TINAG: variants seen among roughly 807,000 people sequenced by gnomAD.
TINAG encodes the protein tubulointerstitial nephritis antigen.
TINAG carries 83 observed loss-of-function variants against 72.7 expected under a neutral mutation model. The ratio of observed to expected loss-of-function variants is 1.14; its 90% CI spans 0.96 to 1.37. The LOEUF is 1.37. TINAG is among the 40% of genes most tolerant of loss of function. The pLI, the probability that TINAG is intolerant of heterozygous loss-of-function variation, is 0.00. For synonymous variants in TINAG, 234 were observed against 189.9 expected (o/e 1.23, Z -1.91); for missense variants, 685 against 576.6 (o/e 1.19, Z -1.93).
At chr6:54,316,823 G>T (rs1280465181) in intron 1 of TINAG, among the ~76,000 whole-genome samples, 1 of 152,118 alleles carries the variant, frequency 6.6e-6, no homozygotes, top group Non-Finnish European at 1.5e-5. Flanking sequence ...ATACTATGAT[G>T]AATTATTTTA....
intron 8 of TINAG, among the ~76,000 whole-genome samples, chr6:54,353,552 C>A (rs1785318487): frequency 6.6e-6 from 1 of 151,782 alleles, no homozygotes; most frequent in Non-Finnish European, 1.5e-5. Flanking sequence ...TTCTTAAAAT[C>A]CTCTAGGAAT....
At chr6:54,341,895 AC>A (rs1237387677) in intron 4 of TINAG, among the ~76,000 whole-genome samples, 1 of 152,210 alleles carries the variant, frequency 6.6e-6, no homozygotes, top group Non-Finnish European at 1.5e-5. Context: ...GAGGGACTCA[AC>A]ATGTCTTTTA....
At chr6:54,361,469 C>T (rs980099442) in intron 9 of TINAG, among the ~76,000 whole-genome samples, 8 of 146,402 alleles carry the variant, frequency 5.5e-5, no homozygotes, top group Non-Finnish European at 1.2e-4. Context: ...GAGGGAAGTG[C>T]TACACACTTT....
chr6:54,380,109 TCA>T (rs1325058007), intron 9 of TINAG, among the ~76,000 whole-genome samples: 8 of 152,194 alleles, frequency 5.3e-5, no homozygotes, highest in African/African-American at 1.9e-4. Flanking sequence ...GGACATGAAC[TCA>T]CTGTTTTTTA....
At position 54,354,521 on chromosome 6, in the gene TINAG, C is replaced by G; in HGVS notation, c.1135C>G (p.Gln379Glu). 1.2e-6 allele frequency: 2 copies of G among 1,603,288 alleles called. No individual in the cohort carries two copies. The highest frequency in any genetic ancestry group is 1.7e-6 in the Non-Finnish European group (2 of 1,175,334). ...MQNGPVQAIM[Q>E]VREDFFHYKT... Reference sequence around the variant, plus strand: ...GTTGGATTTTATTTTAGCCATAATGCAAGTCCGTGAAGATTTCTTCCATTA... The same window carrying G: ...GTTGGATTTTATTTTAGCCATAATGGAAGTCCGTGAAGATTTCTTCCATTA... Residue 379 changes from glutamine (Q) to glutamate (E), a missense_variant, in exon 9 of 11, where the codon CAA becomes GAA. Physicochemically the swap from Gln to Glu is conservative, Grantham distance 29. Coordinates refer to ENST00000259782, the MANE Select transcript of TINAG (RefSeq NM_014464.4).
rs183276051 is a variant in TINAG, at chr6:54,381,323, A to G, written c.1296+752A>G. On this transcript the variant is annotated intron_variant, in intron 10 of 10. Coordinates refer to ENST00000259782, the MANE Select transcript of TINAG (RefSeq NM_014464.4). ...CTCAAATATTCGGTTTATTACAACA[A>G]GCTGGTCAATTGTCCAAAGTCCTAA... Among the ~76,000 whole-genome samples, 16 of 148,438 alleles carry G rather than the reference A, an allele frequency of 1.1e-4. No homozygotes were observed. In the East Asian group the frequency reaches 3.0e-3, roughly 27 times the overall value.
chr6:54,388,110 T>C (rs528357409), intron 10 of TINAG, among the ~76,000 whole-genome samples: 1 of 152,192 alleles, frequency 6.6e-6, no homozygotes, highest in African/African-American at 2.4e-5. Context: ...CTCAGTGTTA[T>C]ATATCATATT....
chr6:54,340,743 G>A (rs1784977570), intron 4 of TINAG, among the ~76,000 whole-genome samples: 1 of 151,950 alleles, frequency 6.6e-6, no homozygotes, highest in African/African-American at 2.4e-5. Flanking sequence ...TGGTAAATAA[G>A]TTTTTAATAA....
chr6:54,356,919 A>AT (rs1419431102), intron 9 of TINAG, among the ~76,000 whole-genome samples: 1 of 6,078 alleles, frequency 1.6e-4, no homozygotes, highest in East Asian at 1.3e-3. Flanking sequence ...CCCTCAGATT[A>AT]AAAAAAAAAA....
At chr6:54,377,054 C>A (rs2150980171) in intron 9 of TINAG, among the ~76,000 whole-genome samples, 1 of 151,872 alleles carries the variant, frequency 6.6e-6, no homozygotes, top group East Asian at 1.9e-4. Flanking sequence ...ATTAATGAGT[C>A]TTAAAAAATA....
At chr6:54,358,957 A>T (rs1164351380) in intron 9 of TINAG, among the ~76,000 whole-genome samples, 5 of 151,752 alleles carry the variant, frequency 3.3e-5, no homozygotes, top group African/African-American at 1.2e-4. Flanking sequence ...TCTAAGGGGA[A>T]ATTTTTCCTA....
chr6:54,340,524 G>A (rs1388363121), intron 4 of TINAG, among the ~76,000 whole-genome samples: 4 of 152,008 alleles, frequency 2.6e-5, no homozygotes. Flanking sequence ...CTTTACAGAG[G>A]AATACAGTAA....
At chr6:54,350,630 C>G (rs964999259) in intron 7 of TINAG, among the ~76,000 whole-genome samples, 4 of 148,262 alleles carry the variant, frequency 2.7e-5, no homozygotes, top group African/African-American at 1.0e-4. Flanking sequence ...TCCTCTGATG[C>G]AAATGGTTAT....
intron 10 of TINAG, among the ~76,000 whole-genome samples, chr6:54,388,916 C>G (rs772853664): frequency 1.3e-5 from 2 of 152,144 alleles, no homozygotes; most frequent in Non-Finnish European, 2.9e-5. Flanking sequence ...AGTCTACTAG[C>G]TAGTCACTGC....
At chr6:54,320,416 T>A (rs185656825) in intron 1 of TINAG, among the ~76,000 whole-genome samples, 163 bp from the exon 2 acceptor site, 259 of 152,302 alleles carry the variant, frequency 1.7e-3, no homozygotes, top group Middle Eastern at 6.8e-3. Flanking sequence ...GAATTCGATA[T>A]ACACACCTTG....
intron 6 of TINAG, among the ~76,000 whole-genome samples, chr6:54,348,207 G>A (rs16885263): frequency 0.024 from 3,713 of 152,178 alleles, 94 homozygotes; most frequent in East Asian, 0.053. Flanking sequence ...GTTAGATGCT[G>A]TAGAAAATAG....
intron 4 of TINAG, among the ~76,000 whole-genome samples, chr6:54,327,935 GGGCATCTTTGAAAGAAA>G (rs1441088209): frequency 6.6e-6 from 1 of 152,138 alleles, no homozygotes; most frequent in Non-Finnish European, 1.5e-5. Context: ...TGTCTGGGCA[GGGCATCTTTGAAAGAAA>G]GGCAGCAGCT....
At chr6:54,319,509 G>T (rs956579227) in intron 1 of TINAG, among the ~76,000 whole-genome samples, 1 of 152,084 alleles carries the variant, frequency 6.6e-6, no homozygotes, top group Admixed American at 6.6e-5. Context: ...ATGCCTAGAC[G>T]TAAATACATA....
intron 7 of TINAG, 82 bp downstream of exon 7, chr6:54,349,978 C>G (rs1785225583): frequency 1.2e-6 from 1 of 818,842 alleles, no homozygotes; most frequent in Non-Finnish European, 1.7e-6. Context: ...AATTTAAAAA[C>G]TAATTAAAAC....
Sources: gnomAD v4.1 joint callset for allele counts (sites outside exome capture counted in the v4.1 genomes callset) on GRCh38, gnomAD v4.1.1 for gene constraint, MANE v1.5 for transcripts, NCBI Gene and HGNC (gene_info 2026-07-23, HGNC 2026-07-21) for gene names.